FRMD4A: variants seen among roughly 807,000 people sequenced by gnomAD.
FRMD4A encodes the protein FERM domain-containing protein 4A.
Under a neutral mutation model 129.1 loss-of-function variants are expected in FRMD4A, and 29 were observed. That is an observed-to-expected ratio of 0.22 (90% CI 0.17 to 0.31). The LOEUF (loss-of-function observed/expected upper bound fraction) is 0.31, where lower values mean the gene tolerates loss of function less well. FRMD4A is among the 10% of genes least tolerant of loss of function. FRMD4A has a pLI of 1.00. For missense variants in FRMD4A, 1,272 were observed against 1,375.8 expected (o/e 0.92, Z 1.19); for synonymous variants, 634 against 571.6 (o/e 1.11, Z -1.56).
intron 2 of FRMD4A, among the ~76,000 whole-genome samples, chr10:14,128,663 C>T (rs556427185): frequency 6.6e-6 from 1 of 152,324 alleles, no homozygotes; most frequent in East Asian, 1.9e-4. Context: ...CCGTATGTTA[C>T]TGCAGGCAAG....
At chr10:14,089,530 T>G (rs1398660242) in intron 2 of FRMD4A, among the ~76,000 whole-genome samples, 1 of 148,876 alleles carries the variant, frequency 6.7e-6, no homozygotes, top group Non-Finnish European at 1.5e-5. Flanking sequence ...CTGGTTTTGG[T>G]GGCAGCTTTT....
chr10:14,007,151 CAAG>C (rs2095665018), intron 2 of FRMD4A: 1 of 152,058 alleles, frequency 6.6e-6, no homozygotes, highest in African/African-American at 2.4e-5. Flanking sequence ...GCTGATCTAA[CAAG>C]AGAGCTTCAT....
intron 2 of FRMD4A, among the ~76,000 whole-genome samples, chr10:14,310,092 T>C (rs529272560): frequency 3.9e-4 from 59 of 152,330 alleles, no homozygotes; most frequent in Non-Finnish European, 7.5e-4. Flanking sequence ...TCGAGGATCC[T>C]ACCTCTCATC....
At chr10:13,689,778 G>A (rs1385535418) in intron 15 of FRMD4A, among the ~76,000 whole-genome samples, 1 of 151,818 alleles carries the variant, frequency 6.6e-6, no homozygotes, top group African/African-American at 2.4e-5. Context: ...GCCAAGGCTG[G>A]TCTGGAACTC....
At chr10:13,805,808 C>T (rs2093348309) in intron 4 of FRMD4A, among the ~76,000 whole-genome samples, 1 of 152,010 alleles carries the variant, frequency 6.6e-6, no homozygotes, top group Non-Finnish European at 1.5e-5. Context: ...CCTGCCTCAG[C>T]CTCCTCAGTA....
intron 2 of FRMD4A, among the ~76,000 whole-genome samples, chr10:13,989,379 C>T (rs1053225153): frequency 6.6e-6 from 1 of 151,878 alleles, no homozygotes; most frequent in Non-Finnish European, 1.5e-5. Context: ...TTTTTTGAGA[C>T]GGCGCCTCGC....
intron 2 of FRMD4A, among the ~76,000 whole-genome samples, chr10:14,020,917 CT>C (rs1832716252): frequency 6.6e-6 from 1 of 152,086 alleles, no homozygotes; most frequent in African/African-American, 2.4e-5. Context: ...AAACAGATGC[CT>C]TTTCTAGGGG....
chr10:14,048,152 C>T (rs1834068833), intron 2 of FRMD4A, among the ~76,000 whole-genome samples: 1 of 152,244 alleles, frequency 6.6e-6, no homozygotes, highest in African/African-American at 2.4e-5. Flanking sequence ...AAGAAGGCAG[C>T]ACCGTACCAA....
At chr10:13,966,010 G>A (rs768263832) in intron 2 of FRMD4A, among the ~76,000 whole-genome samples, 12 of 151,988 alleles carry the variant, frequency 7.9e-5, no homozygotes, top group Non-Finnish European at 1.8e-4. Context: ...ATGTAAGTTT[G>A]TATAACTTTT....
intron 3 of FRMD4A, among the ~76,000 whole-genome samples, chr10:13,851,382 C>T (rs1285577704): frequency 2.6e-5 from 4 of 152,190 alleles, no homozygotes; most frequent in African/African-American, 4.8e-5. Flanking sequence ...GAATCCCCAA[C>T]CCCTGGGCCA....
intron 2 of FRMD4A, among the ~76,000 whole-genome samples, chr10:14,000,268 A>G (rs914320699): frequency 6.6e-6 from 1 of 152,220 alleles, no homozygotes; most frequent in African/African-American, 2.4e-5. Flanking sequence ...ATGTGTTCAA[A>G]GAAAGTCTTA....
chr10:13,958,166 T>C (rs372915519), intron 2 of FRMD4A, among the ~76,000 whole-genome samples: 9 of 152,138 alleles, frequency 5.9e-5, no homozygotes, highest in African/African-American at 2.2e-4. Context: ...GCAAAGACTG[T>C]CTCCTATCCT....
chr10:14,002,089 A>C (rs953509842), intron 2 of FRMD4A, among the ~76,000 whole-genome samples: 1 of 152,230 alleles, frequency 6.6e-6, no homozygotes, highest in Admixed American at 6.5e-5. Flanking sequence ...ATAATGAATG[A>C]TGTGGGTACA....
At chr10:13,659,160 C>CG (rs1050785976) in intron 21 of FRMD4A, among the ~76,000 whole-genome samples, 163 bp downstream of exon 21, 1 of 152,136 alleles carries the variant, frequency 6.6e-6, no homozygotes, top group African/African-American at 2.4e-5. Context: ...TCTTGGCTAA[C>CG]GGGGGTTGAC....
chr10:13,805,361 T>G (rs920798752), intron 4 of FRMD4A, among the ~76,000 whole-genome samples: 2 of 152,104 alleles, frequency 1.3e-5, no homozygotes, highest in Non-Finnish European at 2.9e-5. Context: ...GTCTTTTAAA[T>G]TTGGAGTAAT....
chr10:14,113,803 G>T (rs1016335599), intron 2 of FRMD4A, among the ~76,000 whole-genome samples: 1 of 152,040 alleles, frequency 6.6e-6, no homozygotes, highest in African/African-American at 2.4e-5. Context: ...TGTGTGTGCT[G>T]CCATTGTTCT....
At chr10:14,242,435 G>A (rs751552486) in intron 2 of FRMD4A, among the ~76,000 whole-genome samples, 17 of 152,158 alleles carry the variant, frequency 1.1e-4, no homozygotes, top group African/African-American at 2.7e-4. Flanking sequence ...CTTACACGTC[G>A]TTGCTAAGGA....
At chr10:13,916,005 T>C (rs1325213218) in intron 2 of FRMD4A, among the ~76,000 whole-genome samples, 1 of 152,208 alleles carries the variant, frequency 6.6e-6, no homozygotes, top group Non-Finnish European at 1.5e-5. Flanking sequence ...AACACAACAT[T>C]GTCTGAATTC....
chr10:13,913,194 A>G (rs2094962093), intron 2 of FRMD4A, among the ~76,000 whole-genome samples: 1 of 152,170 alleles, frequency 6.6e-6, no homozygotes, highest in Admixed American at 6.5e-5. Flanking sequence ...AAGACCACAT[A>G]TTGTCTGAGT....
Sources: gnomAD v4.1 joint callset for allele counts (sites outside exome capture counted in the v4.1 genomes callset) on GRCh38, gnomAD v4.1.1 for gene constraint, MANE v1.5 for transcripts, NCBI Gene and HGNC (gene_info 2026-07-23, HGNC 2026-07-21) for gene names.